CAMK1D: variants seen among roughly 807,000 people sequenced by gnomAD.
CAMK1D encodes the protein calcium/calmodulin dependent protein kinase ID.
A neutral mutation model predicts 47.7 loss-of-function variants in CAMK1D; 9 were observed. The ratio of observed to expected loss-of-function variants is 0.19; its 90% CI spans 0.11 to 0.33. The LOEUF (loss-of-function observed/expected upper bound fraction) is 0.33. CAMK1D is among the 10% of genes least tolerant of loss of function. The probability of loss-of-function intolerance (pLI) is 1.00; values close to 1 mark genes in which losing one functional copy is unlikely to be tolerated. For missense variants in CAMK1D, 291 were observed against 488.7 expected (o/e 0.60, Z 3.81); for synonymous variants, 184 against 184.9 (o/e 0.99, Z 0.04).
chr10:12,689,557 A>G (rs1002362036), intron 3 of CAMK1D, among the ~76,000 whole-genome samples: 10 of 152,118 alleles, frequency 6.6e-5, no homozygotes, highest in African/African-American at 2.4e-4. Context: ...CGGGCGGATC[A>G]CCTGAGGCCA....
intron 3 of CAMK1D, among the ~76,000 whole-genome samples, chr10:12,720,933 C>G (rs1450252406): frequency 6.6e-6 from 1 of 152,164 alleles, no homozygotes; most frequent in Non-Finnish European, 1.5e-5. Context: ...GACAGGGCAC[C>G]TGTCTTCTGG....
intron 3 of CAMK1D, among the ~76,000 whole-genome samples, chr10:12,691,406 TATATATATATATA>T (rs2130667635): frequency 1.1e-3 from 3 of 2,764 alleles, no homozygotes; most frequent in Non-Finnish European, 2.3e-3. Flanking sequence ...TATATATAAA[TATATATATATATA>T]TATTTTTTTT....
At chr10:12,681,361 C>G (rs1840988360) in intron 3 of CAMK1D, among the ~76,000 whole-genome samples, 1 of 152,266 alleles carries the variant, frequency 6.6e-6, no homozygotes, top group South Asian at 2.1e-4. Flanking sequence ...CCAGCCTCCC[C>G]ATGATCACTC....
rs529562844 is a variant in CAMK1D, at chr10:12,574,898, A to G, written c.224+21542A>G. ...GAGGAGATGCTGCACGCTTCTAACA[A>G]CCAGATCTCACGAGAACTCACTATG... On this transcript the variant is annotated intron_variant, in intron 2 of 10. Transcript: ENST00000619168. 4.6e-5 allele frequency among the ~76,000 whole-genome samples: 7 copies of G among 152,034 alleles called. No homozygotes were observed. In the East Asian group the frequency reaches 1.2e-3, roughly 25 times the overall value.
At chr10:12,617,373 C>T (rs1002705737) in intron 2 of CAMK1D, among the ~76,000 whole-genome samples, 1 of 152,142 alleles carries the variant, frequency 6.6e-6, no homozygotes, top group African/African-American at 2.4e-5. Flanking sequence ...AGAAATTCCC[C>T]GTGTTAACTC....
intron 1 of CAMK1D, among the ~76,000 whole-genome samples, chr10:12,447,892 G>A (rs1382126789): frequency 6.6e-6 from 1 of 151,906 alleles, no homozygotes; most frequent in African/African-American, 2.4e-5. Context: ...CGCTCTTGTT[G>A]CCCAGGCTAG....
chr10:12,696,380 CACA>C (rs1297764398), intron 3 of CAMK1D, among the ~76,000 whole-genome samples: 2 of 151,996 alleles, frequency 1.3e-5, no homozygotes, highest in Admixed American at 6.6e-5. Flanking sequence ...CTACTAAAAA[CACA>C]ACAATTATCC....
intron 1 of CAMK1D, among the ~76,000 whole-genome samples, chr10:12,541,520 C>A (rs565907445): frequency 2.2e-4 from 34 of 152,194 alleles, no homozygotes; most frequent in African/African-American, 7.2e-4. Flanking sequence ...TGTGCCACCA[C>A]GCCTGGCTAA....
intron 1 of CAMK1D, among the ~76,000 whole-genome samples, chr10:12,446,724 T>C (rs749013452): frequency 2.0e-5 from 3 of 152,210 alleles, no homozygotes; most frequent in Non-Finnish European, 2.9e-5. Flanking sequence ...CTTTTTGCAG[T>C]TGGAGACTTT....
intron 1 of CAMK1D, among the ~76,000 whole-genome samples, chr10:12,524,534 C>T (rs551838264): frequency 5.3e-4 from 81 of 151,918 alleles, no homozygotes; most frequent in African/African-American, 1.5e-3. Context: ...GGTGAAAACC[C>T]GTCTCTACTA....
chr10:12,411,693 G>T (rs72638760), intron 1 of CAMK1D, among the ~76,000 whole-genome samples: 22,071 of 151,698 alleles, frequency 0.15, 1,962 homozygotes, highest in East Asian at 0.2. Flanking sequence ...TCACCTTCTG[G>T]GTTCAAGCGA....
chr10:12,551,254 G>C (rs970962448), intron 1 of CAMK1D, among the ~76,000 whole-genome samples: 1 of 152,206 alleles, frequency 6.6e-6, no homozygotes, highest in African/African-American at 2.4e-5. Flanking sequence ...TCTCATAGGA[G>C]CGTGAGCCCT....
rs532438155 is a variant in CAMK1D at position 12,521,139 on chromosome 10, A to G, written c.93-32086A>G. 5.3e-5 allele frequency among the ~76,000 whole-genome samples: 8 copies of G among 152,022 alleles called. No individual in the cohort carries two copies. In the East Asian group the frequency reaches 1.2e-3, roughly 22 times the overall value. On this transcript the variant is annotated intron_variant, in intron 1 of 10. Transcript: ENST00000619168. ...TTCATTGATTCCTGTTCTTATCCTTATATGTTCTTTCCTTCTGCCAAATTT... is the reference window on the plus strand; with the variant it reads ...TTCATTGATTCCTGTTCTTATCCTTGTATGTTCTTTCCTTCTGCCAAATTT...
intron 7 of CAMK1D, among the ~76,000 whole-genome samples, chr10:12,815,025 C>T (rs962893615): frequency 1.3e-5 from 2 of 152,200 alleles, no homozygotes; most frequent in African/African-American, 2.4e-5. Flanking sequence ...TGTGCTAACT[C>T]ACTCAGTCCT....
intron 6 of CAMK1D, among the ~76,000 whole-genome samples, chr10:12,801,590 A>C (rs1028687164): frequency 2.7e-5 from 4 of 150,270 alleles, no homozygotes; most frequent in African/African-American, 9.9e-5. Context: ...TCTGTTATCT[A>C]TCTGTCTATC....
At chr10:12,794,352 G>A (rs577855435) in intron 6 of CAMK1D, among the ~76,000 whole-genome samples, 1 of 152,204 alleles carries the variant, frequency 6.6e-6, no homozygotes, top group Non-Finnish European at 1.5e-5. Context: ...TTTAGGAAGG[G>A]GGGTGAGATC....
chr10:12,757,065 G>A (rs1004724351), intron 3 of CAMK1D, among the ~76,000 whole-genome samples: 1 of 152,172 alleles, frequency 6.6e-6, no homozygotes, highest in South Asian at 2.1e-4. Context: ...TTGCCAGCCT[G>A]TTTACCTTTC....
In CAMK1D at chr10:12,829,107, T is replaced by G; in HGVS notation, c.*220T>G. On this transcript the variant is annotated 3_prime_UTR_variant, in exon 11 of 11. Transcript: ENST00000619168. ...CTCGAGGGGCGCTGATTTCATAGGA[T>G]CTGGTGCTGTATATACGAATCTTGC... 2.0e-6 allele frequency: 1 copy of G among 508,190 alleles called. No homozygotes were observed. The highest frequency in any genetic ancestry group is 3.5e-6 in the Non-Finnish European group (1 of 287,352). The allele number at this position is 508,190 out of a possible 1,614,324, so 31.5% of individuals were successfully genotyped here. A position where few individuals can be genotyped will look rare whatever the true frequency, so the allele number is the denominator to read the frequency against.
At chr10:12,713,798 G>A (rs1834021273) in intron 3 of CAMK1D, among the ~76,000 whole-genome samples, 1 of 152,242 alleles carries the variant, frequency 6.6e-6, no homozygotes, top group Non-Finnish European at 1.5e-5. Flanking sequence ...CACACCAAGT[G>A]TGGATGCTTT....
Sources: allele counts gnomAD v4.1 joint callset (sites outside exome capture counted in the v4.1 genomes callset), GRCh38; gene constraint gnomAD v4.1.1; transcripts MANE v1.5; gene names NCBI Gene and HGNC (gene_info 2026-07-23, HGNC 2026-07-21).